The following SGCZ variants were observed in gnomAD, a reference collection of about 807,000 sequenced individuals.
The protein encoded by SGCZ is sarcoglycan zeta, also known as zeta-sarcoglycan.
In SGCZ, 40 loss-of-function variants were observed where a neutral mutation model predicts 41.3. That is an observed-to-expected ratio of 0.97 (90% confidence interval 0.75 to 1.26). SGCZ has a LOEUF of 1.26. Among genes scored for constraint, SGCZ ranks in the 50% most tolerant of loss-of-function variants. The pLI is 0.00. For missense variants in SGCZ, 552 were observed against 369.8 expected (o/e 1.49, Z -4.04); for synonymous variants, 206 against 137.5 (o/e 1.50, Z -3.49).
At chr8:14,171,055 G>C (rs1804364349) in intron 4 of SGCZ, among the ~76,000 whole-genome samples, 1 of 151,426 alleles carries the variant, frequency 6.6e-6, no homozygotes, top group Non-Finnish European at 1.5e-5. Flanking sequence ...TATGTGGGTA[G>C]AAGGTGGAAG....
At chr8:14,354,388 T>C (rs1457242303) in intron 2 of SGCZ, among the ~76,000 whole-genome samples, 2 of 151,918 alleles carry the variant, frequency 1.3e-5, no homozygotes, top group African/African-American at 4.8e-5. Context: ...AAAAAACTCC[T>C]ATAATGATAC....
chr8:14,827,151 A>G (rs1241226809), intron 1 of SGCZ, among the ~76,000 whole-genome samples: 3 of 137,570 alleles, frequency 2.2e-5, no homozygotes, highest in Non-Finnish European at 4.5e-5. Context: ...GCTAAGTTCC[A>G]AGAATGGAAG....
At chr8:14,289,703 C>T (rs1487746917) in intron 3 of SGCZ, among the ~76,000 whole-genome samples, 1 of 151,618 alleles carries the variant, frequency 6.6e-6, no homozygotes, top group Admixed American at 6.6e-5. Flanking sequence ...CAACTGCACA[C>T]AATGGGGAAA....
intron 2 of SGCZ, among the ~76,000 whole-genome samples, chr8:14,549,520 T>A (rs1803735579): frequency 6.6e-6 from 1 of 151,972 alleles, no homozygotes; most frequent in Admixed American, 6.6e-5. Context: ...CTTTTAAAAC[T>A]TAAAAAAAGT....
At chr8:14,749,049 TTCTA>T (rs1799420477) in intron 1 of SGCZ, among the ~76,000 whole-genome samples, 1 of 152,106 alleles carries the variant, frequency 6.6e-6, no homozygotes, top group Admixed American at 6.6e-5. Context: ...TTCATCCAAT[TTCTA>T]TCTAATGAAT....
At chr8:14,854,335 T>C (rs1803465429) in intron 1 of SGCZ, among the ~76,000 whole-genome samples, 1 of 151,776 alleles carries the variant, frequency 6.6e-6, no homozygotes, top group African/African-American at 2.4e-5. Flanking sequence ...TTTGTATTCA[T>C]TGAATAAGAT....
At chr8:14,918,472 T>C (rs1799502276) in intron 1 of SGCZ, among the ~76,000 whole-genome samples, 1 of 152,182 alleles carries the variant, frequency 6.6e-6, no homozygotes, top group Non-Finnish European at 1.5e-5. Flanking sequence ...AGCTGTTATA[T>C]AAACTCAAAG....
At chr8:14,472,750 T>A (rs1801249053) in intron 2 of SGCZ, among the ~76,000 whole-genome samples, 2 of 152,180 alleles carry the variant, frequency 1.3e-5, no homozygotes, top group Admixed American at 1.3e-4. Flanking sequence ...CTTTATTCTA[T>A]ACAAATTTGT....
intron 3 of SGCZ, among the ~76,000 whole-genome samples, chr8:14,323,629 C>T (rs1049814006): frequency 7.9e-5 from 12 of 152,060 alleles, no homozygotes; most frequent in Non-Finnish European, 1.0e-4. Context: ...TAAATATTCT[C>T]GCTTGTTTTA....
chr8:14,114,796 G>C (rs540898651), intron 5 of SGCZ, among the ~76,000 whole-genome samples: 1 of 152,050 alleles, frequency 6.6e-6, no homozygotes, highest in Admixed American at 6.6e-5. Flanking sequence ...CTCTCATTTT[G>C]TAACCTTCAA....
At chr8:14,203,633 G>C (rs1048611312) in intron 4 of SGCZ, among the ~76,000 whole-genome samples, 1 of 152,154 alleles carries the variant, frequency 6.6e-6, no homozygotes, top group Non-Finnish European at 1.5e-5. Context: ...GAATGAAGAT[G>C]AATAGAGGTG....
chr8:14,416,465 AC>A (rs1410072304), intron 2 of SGCZ, among the ~76,000 whole-genome samples: 1 of 151,930 alleles, frequency 6.6e-6, no homozygotes, highest in Non-Finnish European at 1.5e-5. Context: ...CTACAACTGC[AC>A]CCATGAAAGC....
At chr8:14,985,540 G>C (rs750512283) in intron 1 of SGCZ, among the ~76,000 whole-genome samples, 1 of 152,124 alleles carries the variant, frequency 6.6e-6, no homozygotes, top group Non-Finnish European at 1.5e-5. Flanking sequence ...TCAGTGCCTT[G>C]AATTAGAATT....
At chr8:14,296,205 A>G (rs1801006809) in intron 3 of SGCZ, among the ~76,000 whole-genome samples, 1 of 152,182 alleles carries the variant, frequency 6.6e-6, no homozygotes, top group Admixed American at 6.5e-5. Flanking sequence ...ACCAAAGCCA[A>G]CACTCTTGAA....
chr8:14,329,667 T>C (rs1802245077), intron 2 of SGCZ, among the ~76,000 whole-genome samples: 1 of 152,158 alleles, frequency 6.6e-6, no homozygotes, highest in South Asian at 2.1e-4. Flanking sequence ...TTACTATGCT[T>C]TCTAAATAAT....
rs138856915 is a variant in SGCZ at position 14,559,026 on chromosome 8, G to A, written c.40-4100C>T. 5.3e-3 allele frequency among the ~76,000 whole-genome samples: 799 copies of A among 152,080 alleles called. 8 individuals carry two copies. The highest frequency in any genetic ancestry group is 0.018 in the African/African-American group (741 of 41,500). ...TGACAAACCCTCAGTCAACATAACA[G>A]TGAATGCGGAAAAGTTGAAAGCATT... is the stretch of plus-strand genomic sequence containing the variant. On this transcript the variant is annotated intron_variant, in intron 1 of 7. Transcript: ENST00000382080.
intron 1 of SGCZ, among the ~76,000 whole-genome samples, chr8:14,563,811 T>C (rs1052470634): frequency 1.3e-5 from 2 of 152,158 alleles, no homozygotes; most frequent in Admixed American, 1.3e-4. Flanking sequence ...CCAAATTTTA[T>C]CACTAAGTAG....
At chr8:14,456,640 G>C (rs905153769) in intron 2 of SGCZ, among the ~76,000 whole-genome samples, 1 of 152,068 alleles carries the variant, frequency 6.6e-6, no homozygotes, top group Non-Finnish European at 1.5e-5. Flanking sequence ...AAAAGAAAGG[G>C]AGAAATGAAT....
chr8:14,320,409 G>T (rs189835178), intron 3 of SGCZ, among the ~76,000 whole-genome samples: 45 of 151,402 alleles, frequency 3.0e-4, no homozygotes, highest in African/African-American at 1.0e-3. Context: ...TGCTCGCCTG[G>T]CCCCATGGCT....
Sources: allele counts gnomAD v4.1 joint callset (sites outside exome capture counted in the v4.1 genomes callset), GRCh38; gene constraint gnomAD v4.1.1; transcripts MANE v1.5; gene names NCBI Gene and HGNC (gene_info 2026-07-23, HGNC 2026-07-21).